CAMK1D: variants seen among roughly 807,000 people sequenced by gnomAD.
The protein encoded by CAMK1D is calcium/calmodulin-dependent protein kinase type 1D.
CAMK1D carries 9 observed loss-of-function variants against 47.7 expected under a neutral mutation model. The ratio of observed to expected loss-of-function variants is 0.19; its 90% CI spans 0.11 to 0.33. The LOEUF (loss-of-function observed/expected upper bound fraction) is 0.33, where lower values mean the gene tolerates loss of function less well. Ranked by LOEUF, CAMK1D falls within the 10% of genes least tolerant of loss-of-function variation. The pLI is 1.00. For missense variants in CAMK1D, 291 were observed against 488.7 expected, an observed-to-expected ratio of 0.60 and a Z score of 3.81; for synonymous variants, 184 against 184.9, an observed-to-expected ratio of 0.99 and a Z score of 0.04.
At chr10:12,745,976 G>A (rs962437217) in intron 3 of CAMK1D, among the ~76,000 whole-genome samples, 2 of 152,048 alleles carry the variant, frequency 1.3e-5, no homozygotes, top group Non-Finnish European at 2.9e-5. Flanking sequence ...TATGTCCCAG[G>A]GCCCCTTTGG....
rs868584939 is a variant in CAMK1D at position 12,597,439 on chromosome 10, C to T, written c.224+44083C>T. Among the ~76,000 whole-genome samples the T allele has an allele frequency of 1.1e-4, 16 of 152,298 alleles. No homozygotes were observed. The East Asian group carries it at 1.5e-3, about 15-fold the overall frequency. ...TGGCCTTCTGGGCTGACCGTTTCCT[C>T]GCTGACTCCCACAGACACGCTGACC... is the stretch of plus-strand genomic sequence containing the variant. On this transcript the variant is annotated intron_variant, in intron 2 of 10. Coordinates refer to ENST00000619168, the MANE Select transcript of CAMK1D (RefSeq NM_153498.4).
rs371760434 is a variant in CAMK1D, at chr10:12,802,747, A to C, written c.642-11448A>C. Among the ~76,000 whole-genome samples, 80 of 152,232 alleles carry C rather than the reference A, an allele frequency of 5.3e-4. 2 individuals are homozygous for C. The South Asian group carries it at 0.013, about 24-fold the overall frequency. ...ATGTTGGCCAGGCTGGTCTTGAACT[A>C]CTGACCTCATGATCCGTCCACCGTG... On this transcript the variant is annotated intron_variant, in intron 6 of 10. Coordinates refer to ENST00000619168, the MANE Select transcript of CAMK1D (RefSeq NM_153498.4).
intron 8 of CAMK1D, among the ~76,000 whole-genome samples, chr10:12,823,022 T>C (rs1344068994): frequency 2.0e-5 from 3 of 152,206 alleles, no homozygotes; most frequent in East Asian, 3.8e-4. Flanking sequence ...AACATCAGCC[T>C]GGATTCTAAA....
At chr10:12,504,123 G>C (rs912119566) in intron 1 of CAMK1D, among the ~76,000 whole-genome samples, 9 of 140,556 alleles carry the variant, frequency 6.4e-5, no homozygotes, top group African/African-American at 2.3e-4. Context: ...GTGTGTGTGT[G>C]TGTGTCTGTG....
chr10:12,820,140 A>C (rs907867537), intron 8 of CAMK1D, among the ~76,000 whole-genome samples: 7 of 152,166 alleles, frequency 4.6e-5, no homozygotes, highest in African/African-American at 1.4e-4. Context: ...CCCGGGTTCA[A>C]ACGATTCTCC....
intron 6 of CAMK1D, among the ~76,000 whole-genome samples, chr10:12,798,170 AT>A (rs1838277029): frequency 6.6e-6 from 1 of 152,156 alleles, no homozygotes; most frequent in African/African-American, 2.4e-5. Context: ...ATGGAGAAAC[AT>A]TTTACTTCCT....
chr10:12,789,053 G>A (rs190712673), intron 5 of CAMK1D, among the ~76,000 whole-genome samples: 3 of 152,302 alleles, frequency 2.0e-5, no homozygotes, highest in Admixed American at 2.0e-4. Context: ...TTCTTGCTCA[G>A]GAATATATTT....
At chr10:12,791,085 C>G in intron 5 of CAMK1D, 73 bp from the exon 6 acceptor site, 1 of 1,385,582 alleles carries the variant, frequency 7.2e-7, no homozygotes, top group Middle Eastern at 1.8e-4. Context: ...GGCCAAATAG[C>G]AGACCCCAAA....
chr10:12,380,331 T>C (rs1838303746), intron 1 of CAMK1D, among the ~76,000 whole-genome samples: 1 of 152,166 alleles, frequency 6.6e-6, no homozygotes, highest in African/African-American at 2.4e-5. Flanking sequence ...ATTAAAAGGA[T>C]CAATGATTAT....
intron 1 of CAMK1D, among the ~76,000 whole-genome samples, chr10:12,502,636 T>C (rs1175785533): frequency 6.6e-6 from 1 of 152,212 alleles, no homozygotes; most frequent in African/African-American, 2.4e-5. Context: ...TGCCAGGCTT[T>C]AGCCCGGGCC....
At chr10:12,495,667 A>G (rs910877554) in intron 1 of CAMK1D, among the ~76,000 whole-genome samples, 3 of 152,320 alleles carry the variant, frequency 2.0e-5, no homozygotes, top group Non-Finnish European at 4.4e-5. Context: ...AAGGATGAAA[A>G]TACTCCAACA....
chr10:12,742,575 C>T (rs1014156096), intron 3 of CAMK1D, among the ~76,000 whole-genome samples: 1 of 152,216 alleles, frequency 6.6e-6, no homozygotes, highest in Non-Finnish European at 1.5e-5. Context: ...CACACACCCT[C>T]TTTTTAAAAT....
chr10:12,376,181 A>G (rs1291650306), intron 1 of CAMK1D, among the ~76,000 whole-genome samples: 1 of 151,312 alleles, frequency 6.6e-6, no homozygotes, highest in Non-Finnish European at 1.5e-5. Context: ...AAAAAAAAAA[A>G]AAAAAAGAAT....
At chr10:12,728,704 A>T (rs1227946678) in intron 3 of CAMK1D, among the ~76,000 whole-genome samples, 2 of 152,008 alleles carry the variant, frequency 1.3e-5, no homozygotes, top group Admixed American at 6.5e-5. Flanking sequence ...TTTCAATTCC[A>T]CTCACCACCC....
chr10:12,429,987 C>T (rs1416833908), intron 1 of CAMK1D, among the ~76,000 whole-genome samples: 1 of 152,066 alleles, frequency 6.6e-6, no homozygotes, highest in African/African-American at 2.4e-5. Context: ...GGGAGTCACT[C>T]TCACTTTGTC....
At chr10:12,713,577 G>C (rs1257646118) in intron 3 of CAMK1D, among the ~76,000 whole-genome samples, 1 of 152,228 alleles carries the variant, frequency 6.6e-6, no homozygotes, top group Non-Finnish European at 1.5e-5. Flanking sequence ...TGCGGACTAG[G>C]ATCCATGTTT....
intron 1 of CAMK1D, among the ~76,000 whole-genome samples, chr10:12,375,387 G>A (rs1020209049): frequency 3.3e-5 from 5 of 152,110 alleles, no homozygotes; most frequent in Admixed American, 3.3e-4. Context: ...AATCATCCCC[G>A]CCTTCCGTGT....
In CAMK1D at chr10:12,472,033, T is replaced by G. The variant is rs142046923; in HGVS notation, c.93-81192T>G. On this transcript the variant is annotated intron_variant, in intron 1 of 10. Transcript: ENST00000619168. ...CTGGGAGACAGAGTAAGACTCTGTC[T>G]CAAAAAAAAAAAAAAGAAAAAGAAA... Among the ~76,000 whole-genome samples, 249 of 99,340 alleles carry G rather than the reference T, an allele frequency of 2.5e-3. 1 individual carries two copies. Among genetic ancestry groups the G allele is most frequent in the African/African-American group, 0.01 (235 of 22,790 alleles). The allele number at this position is 99,340 out of a possible 152,430, so 65.2% of individuals were successfully genotyped here.
intron 4 of CAMK1D, among the ~76,000 whole-genome samples, chr10:12,762,474 C>T (rs1229069644): frequency 1.3e-5 from 2 of 152,112 alleles, no homozygotes; most frequent in South Asian, 2.1e-4. Context: ...TGTCATGTTC[C>T]ATTGACCCAG....
Sources: allele counts gnomAD v4.1 joint callset (sites outside exome capture counted in the v4.1 genomes callset), GRCh38; gene constraint gnomAD v4.1.1; transcripts MANE v1.5; gene names NCBI Gene and HGNC (gene_info 2026-07-23, HGNC 2026-07-21).